RAP1GDS1: variants seen among roughly 807,000 people sequenced by gnomAD.
The protein encoded by RAP1GDS1 is Rap1 GTPase-GDP dissociation stimulator 1, also known as RAP1, GTP-GDP dissociation stimulator 1.
A neutral mutation model predicts 71.1 loss-of-function variants in RAP1GDS1; 35 were observed. The ratio of observed to expected loss-of-function variants is 0.49; its 90% CI spans 0.38 to 0.65. RAP1GDS1 has a LOEUF of 0.65. Among genes scored for constraint, RAP1GDS1 ranks in the 30% least tolerant of loss-of-function variants. The pLI is 0.00. For synonymous variants in RAP1GDS1, 229 were observed against 243.1 expected (o/e 0.94, Z 0.54); for missense variants, 663 against 706.1 (o/e 0.94, Z 0.69).
At chr4:98,330,927 T>C (rs575669457) in intron 2 of RAP1GDS1, among the ~76,000 whole-genome samples, 209 of 152,284 alleles carry the variant, frequency 1.4e-3, no homozygotes, top group African/African-American at 4.7e-3. Context: ...ATCTCAGCAC[T>C]TTGGGAAGCC....
chr4:98,419,341 A>G (rs971926663), intron 10 of RAP1GDS1, among the ~76,000 whole-genome samples: 2 of 152,174 alleles, frequency 1.3e-5, no homozygotes, highest in African/African-American at 4.8e-5. Context: ...GGTGAGAGCT[A>G]CTGCACCAGG....
intron 2 of RAP1GDS1, among the ~76,000 whole-genome samples, chr4:98,295,503 G>A (rs1727611939): frequency 6.6e-6 from 1 of 152,054 alleles, no homozygotes; most frequent in African/African-American, 2.4e-5. Context: ...CACTGGGCTG[G>A]GGATTATAGC....
At chr4:98,437,257 T>C (rs1421524939) in intron 14 of RAP1GDS1, among the ~76,000 whole-genome samples, 189 bp downstream of exon 14, 1 of 152,228 alleles carries the variant, frequency 6.6e-6, no homozygotes, top group Non-Finnish European at 1.5e-5. Context: ...ATTGAAAATC[T>C]TCTCTTCTAG....
rs1751974332 is a variant in RAP1GDS1 at position 98,442,215 on chromosome 4, A to T, written c.*98A>T. On this transcript the variant is annotated 3_prime_UTR_variant, in exon 15 of 15. Transcript: ENST00000408927. Reference sequence around the variant, plus strand: ...TCATTCTCTACCATACCACTTGTGCATGCATGTGATGTTCTAATACCAATT... The same window carrying T: ...TCATTCTCTACCATACCACTTGTGCTTGCATGTGATGTTCTAATACCAATT... The T allele has an allele frequency of 6.7e-7, 1 of 1,492,478 alleles. No homozygotes were observed. The highest frequency in any genetic ancestry group is 1.4e-5 in the African/African-American group (1 of 71,902). 92.5% of individuals were successfully genotyped at this position (1,492,478 alleles called of 1,614,324 possible). A position where few individuals can be genotyped will look rare whatever the true frequency, so the allele number is the denominator to read the frequency against.
At chr4:98,284,679 A>G (rs547761334) in intron 1 of RAP1GDS1, among the ~76,000 whole-genome samples, 2 of 152,320 alleles carry the variant, frequency 1.3e-5, no homozygotes, top group South Asian at 2.1e-4. Flanking sequence ...AAGGGATGCC[A>G]TGTGACTTTC....
chr4:98,292,037 A>G (rs1400340968), intron 1 of RAP1GDS1, among the ~76,000 whole-genome samples: 2 of 152,156 alleles, frequency 1.3e-5, no homozygotes, highest in African/African-American at 4.8e-5. Context: ...TATTCAAACC[A>G]AAACAGCATA....
At chr4:98,261,604 A>AT in intron 1 of RAP1GDS1, 35 bp downstream of exon 1, 1 of 1,592,200 alleles carries the variant, frequency 6.3e-7, no homozygotes, top group South Asian at 1.1e-5. Flanking sequence ...ATCGCCTGAC[A>AT]TTTTTTTCTT....
chr4:98,277,605 G>T (rs527358275), intron 1 of RAP1GDS1, among the ~76,000 whole-genome samples: 1 of 151,952 alleles, frequency 6.6e-6, no homozygotes, highest in Non-Finnish European at 1.5e-5. Flanking sequence ...TCATTAAGAC[G>T]GCTTCTGAGT....
intron 12 of RAP1GDS1, among the ~76,000 whole-genome samples, chr4:98,421,705 T>G (rs889551183): frequency 2.0e-5 from 3 of 152,052 alleles, no homozygotes; most frequent in Admixed American, 1.3e-4. Flanking sequence ...AAATGGTACC[T>G]AGATAGTATA....
chr4:98,390,992 GA>G (rs761411337), intron 5 of RAP1GDS1, among the ~76,000 whole-genome samples: 1 of 152,074 alleles, frequency 6.6e-6, no homozygotes, highest in Non-Finnish European at 1.5e-5. Context: ...ATTTTAATGA[GA>G]AAAAAATTTT....
intron 2 of RAP1GDS1, among the ~76,000 whole-genome samples, chr4:98,335,152 T>C (rs1263119385): frequency 2.6e-5 from 4 of 152,188 alleles, no homozygotes; most frequent in African/African-American, 9.6e-5. Context: ...ATTCCTTTTC[T>C]TATTAATCTC....
intron 4 of RAP1GDS1, among the ~76,000 whole-genome samples, chr4:98,367,431 C>A (rs1739660165): frequency 1.3e-5 from 2 of 152,154 alleles, no homozygotes; most frequent in South Asian, 4.1e-4. Flanking sequence ...TGGGGTTGGA[C>A]CCCCGCACAG....
chr4:98,365,162 A>G (rs1739292276), intron 4 of RAP1GDS1, among the ~76,000 whole-genome samples: 2 of 152,286 alleles, frequency 1.3e-5, no homozygotes, highest in Admixed American at 6.5e-5. Context: ...TTCAGATTTG[A>G]TTGGATTCTT....
At chr4:98,323,950 G>T (rs1203298705) in intron 2 of RAP1GDS1, among the ~76,000 whole-genome samples, 3 of 142,786 alleles carry the variant, frequency 2.1e-5, no homozygotes, top group African/African-American at 7.8e-5. Flanking sequence ...AGGAAATAAA[G>T]GGTATTCAAT....
intron 13 of RAP1GDS1, among the ~76,000 whole-genome samples, chr4:98,434,288 C>G (rs997599374): frequency 6.6e-6 from 1 of 152,104 alleles, no homozygotes. Flanking sequence ...GTAAGTTTAA[C>G]TTTTAAATAA....
At chr4:98,372,453 C>A (rs1032303017) in intron 4 of RAP1GDS1, among the ~76,000 whole-genome samples, 1 of 152,094 alleles carries the variant, frequency 6.6e-6, no homozygotes, top group Non-Finnish European at 1.5e-5. Context: ...AGACATGAGC[C>A]CTCGTGCCCA....
At chr4:98,409,676 C>T in intron 7 of RAP1GDS1, 1 of 369,338 alleles carries the variant, frequency 2.7e-6, no homozygotes, top group Non-Finnish European at 5.4e-6. Flanking sequence ...AAGCAACAGT[C>T]TGTTCCACCT....
chr4:98,333,237 A>G (rs1343941471), intron 2 of RAP1GDS1, among the ~76,000 whole-genome samples: 2 of 152,076 alleles, frequency 1.3e-5, no homozygotes, highest in East Asian at 3.9e-4. Flanking sequence ...TGATTATCTC[A>G]ATAGCGAATA....
At chr4:98,285,907 A>G (rs1560774025) in intron 1 of RAP1GDS1, among the ~76,000 whole-genome samples, 2 of 147,100 alleles carry the variant, frequency 1.4e-5, no homozygotes, top group African/African-American at 5.0e-5. Flanking sequence ...AACATTATAA[A>G]TTATTTATAA....
Sources: allele counts gnomAD v4.1 joint callset (sites outside exome capture counted in the v4.1 genomes callset), GRCh38; gene constraint gnomAD v4.1.1; transcripts MANE v1.5; gene names NCBI Gene and HGNC (gene_info 2026-07-23, HGNC 2026-07-21).